The following MKLN1 variants were observed in gnomAD, a reference collection of about 807,000 sequenced individuals.
The protein encoded by MKLN1 is muskelin 1.
Under a neutral mutation model 99.0 loss-of-function variants are expected in MKLN1, and 18 were observed. The observed-to-expected ratio is 0.18, with a 90% CI of 0.13 to 0.27. The LOEUF (loss-of-function observed/expected upper bound fraction) is 0.27. MKLN1 is among the 10% of genes least tolerant of loss of function. The probability of loss-of-function intolerance (pLI) is 1.00; values close to 1 mark genes in which losing one functional copy is unlikely to be tolerated. For synonymous variants in MKLN1, 288 were observed against 293.2 expected, an observed-to-expected ratio of 0.98 and a Z score of 0.18; for missense variants, 621 against 875.9, an observed-to-expected ratio of 0.71 and a Z score of 3.67.
intron 1 of MKLN1, among the ~76,000 whole-genome samples, chr7:131,124,019 CTT>C (rs1795417367): frequency 6.6e-6 from 1 of 152,172 alleles, no homozygotes; most frequent in Non-Finnish European, 1.5e-5. Context: ...AATCTGAGCT[CTT>C]TTGCATCCCA....
intron 3 of MKLN1, among the ~76,000 whole-genome samples, chr7:131,272,738 AGG>A (rs1797905527): frequency 6.6e-6 from 1 of 152,190 alleles, no homozygotes; most frequent in South Asian, 2.1e-4. Flanking sequence ...GAGAAAAATG[AGG>A]AAGAAGCAAA....
At chr7:131,442,032 T>C (rs1331134697) in intron 10 of MKLN1, among the ~76,000 whole-genome samples, 1 of 152,226 alleles carries the variant, frequency 6.6e-6, no homozygotes, top group Non-Finnish European at 1.5e-5. Context: ...ATTTTAACTG[T>C]ATGATCATTT....
rs566059629 is a variant in MKLN1, at chr7:131,263,177, G to A, written c.-179+60203G>A. 3.6e-4 allele frequency among the ~76,000 whole-genome samples: 55 copies of A among 152,022 alleles called. No homozygotes were observed. The South Asian group carries it at 8.3e-3, about 23-fold the overall frequency. On this transcript the variant is annotated intron_variant, in intron 3 of 7. Coordinates refer to the MKLN1 transcript ENST00000416992. ...TCCTGGTATTGATGAGGCCAATACCGATTACTGGGTTAAGGTGACAATATG... is the reference window on the plus strand; with the variant it reads ...TCCTGGTATTGATGAGGCCAATACCAATTACTGGGTTAAGGTGACAATATG...
intron 1 of MKLN1, chr7:131,142,765 A>G (rs1255681085): frequency 9.3e-6 from 4 of 429,434 alleles, no homozygotes; most frequent in African/African-American, 8.5e-5. Context: ...TTGCAAGCAG[A>G]GGGCAATTAA....
chr7:131,131,274 G>C (rs538755867), intron 1 of MKLN1, among the ~76,000 whole-genome samples: 8 of 152,020 alleles, frequency 5.3e-5, no homozygotes, highest in Admixed American at 1.3e-4. Context: ...CTACTCGGGA[G>C]GCTGAGGAGG....
At chr7:131,325,907 G>T (rs953463837), upstream of MKLN1, among the ~76,000 whole-genome samples, 5 of 148,712 alleles carry the variant, frequency 3.4e-5, no homozygotes, top group East Asian at 2.1e-4. Flanking sequence ...AAGTGGGGGG[G>T]GGGTGGTGGT....
intron 3 of MKLN1, among the ~76,000 whole-genome samples, chr7:131,209,891 G>A (rs1477740141): frequency 4.6e-5 from 7 of 152,040 alleles, no homozygotes; most frequent in Non-Finnish European, 1.0e-4. Context: ...TCTTCTGACT[G>A]TAAGACAAAA....
chr7:131,177,892 T>TA (rs1796323381), intron 2 of MKLN1, among the ~76,000 whole-genome samples: 1 of 152,208 alleles, frequency 6.6e-6, no homozygotes, highest in Admixed American at 6.5e-5. Context: ...CCAGGACTGG[T>TA]ATAGTAGCTC....
chr7:131,156,834 A>C (rs1795976824), intron 2 of MKLN1, among the ~76,000 whole-genome samples: 1 of 152,186 alleles, frequency 6.6e-6, no homozygotes, highest in Non-Finnish European at 1.5e-5. Context: ...ATTCATAGGC[A>C]CTGTTTTAAG....
chr7:131,379,462 A>G (rs1793771762), intron 2 of MKLN1, among the ~76,000 whole-genome samples: 1 of 152,220 alleles, frequency 6.6e-6, no homozygotes, highest in South Asian at 2.1e-4. Context: ...GATTTGAAAA[A>G]GAACCAAATA....
intron 2 of MKLN1, among the ~76,000 whole-genome samples, chr7:131,171,027 T>G (rs1411006510): frequency 1.3e-5 from 2 of 152,142 alleles, no homozygotes; most frequent in African/African-American, 4.8e-5. Flanking sequence ...CTCAAAGATT[T>G]TACATGTCAG....
intron 2 of MKLN1, among the ~76,000 whole-genome samples, chr7:131,184,205 G>A (rs1796415982): frequency 6.6e-6 from 1 of 152,012 alleles, no homozygotes; most frequent in Admixed American, 6.5e-5. Context: ...CATGACTACA[G>A]TGTCAAACTC....
chr7:131,153,834 T>C (rs1795926757), intron 2 of MKLN1, among the ~76,000 whole-genome samples: 1 of 152,036 alleles, frequency 6.6e-6, no homozygotes, highest in African/African-American at 2.4e-5. Context: ...AGCTAATTTT[T>C]GTATTTTTAG....
At chr7:131,153,670 T>TTG (rs980381628) in intron 2 of MKLN1, among the ~76,000 whole-genome samples, 7 of 148,180 alleles carry the variant, frequency 4.7e-5, no homozygotes, top group South Asian at 2.2e-4. Context: ...TTTGGTTTTT[T>TTG]TTTTTTTTTT....
chr7:131,331,537 C>G (rs1253301667), intron 1 of MKLN1, among the ~76,000 whole-genome samples: 3 of 152,168 alleles, frequency 2.0e-5, no homozygotes, highest in Non-Finnish European at 4.4e-5. Context: ...GTAATCCCTG[C>G]ACTTTGGGAG....
intron 5 of MKLN1, among the ~76,000 whole-genome samples, chr7:131,398,118 G>C (rs894582363): frequency 6.6e-6 from 1 of 151,930 alleles, no homozygotes; most frequent in East Asian, 1.9e-4. Context: ...CTTATTAAAG[G>C]GTCATGCCTA....
intron 9 of MKLN1, among the ~76,000 whole-genome samples, chr7:131,429,861 T>C (rs1052673877): frequency 1.3e-4 from 20 of 152,236 alleles, no homozygotes; most frequent in Non-Finnish European, 5.9e-5. Context: ...ATTATAGGCG[T>C]GAGCCACTGC....
chr7:131,142,983 A>G, intron 2 of MKLN1: 1 of 1,263,694 alleles, frequency 7.9e-7, no homozygotes, highest in South Asian at 1.2e-5. Flanking sequence ...TTAGTTGTCA[A>G]AAAAGTACTG....
intron 2 of MKLN1, among the ~76,000 whole-genome samples, chr7:131,185,110 G>T (rs1355509272): frequency 2.0e-5 from 3 of 152,046 alleles, no homozygotes; most frequent in Non-Finnish European, 4.4e-5. Context: ...GCACCGTAAT[G>T]CTCTGTAAAT....
Sources: gnomAD v4.1 joint callset for allele counts (sites outside exome capture counted in the v4.1 genomes callset) on GRCh38, gnomAD v4.1.1 for gene constraint, MANE v1.5 for transcripts, NCBI Gene and HGNC (gene_info 2026-07-23, HGNC 2026-07-21) for gene names.